MAP3K9: variants seen among roughly 807,000 people sequenced by gnomAD.
MAP3K9 encodes the protein mixed lineage kinase 1 (tyr and ser/thr specificity).
A neutral mutation model predicts 95.8 loss-of-function variants in MAP3K9; 46 were observed. That is an observed-to-expected ratio of 0.48 (90% CI 0.38 to 0.61). MAP3K9 has a LOEUF of 0.61. Among genes scored for constraint, MAP3K9 ranks in the 20% least tolerant of loss-of-function variants. The probability of loss-of-function intolerance (pLI) is 0.00; values close to 1 mark genes in which losing one functional copy is unlikely to be tolerated. For synonymous variants in MAP3K9, 533 were observed against 593.8 expected (o/e 0.90, Z 1.49); for missense variants, 1,296 against 1,474.3 (o/e 0.88, Z 1.98).
chr14:70,757,414 T>C (rs2139772263), intron 3 of MAP3K9, among the ~76,000 whole-genome samples: 1 of 146,108 alleles, frequency 6.8e-6, no homozygotes, highest in East Asian at 2.0e-4. Context: ...TAAGCCATGA[T>C]TACACCACTG....
At chr14:70,787,725 T>C (rs754792688) in intron 2 of MAP3K9, among the ~76,000 whole-genome samples, 1 of 151,940 alleles carries the variant, frequency 6.6e-6, no homozygotes, top group African/African-American at 2.4e-5. Flanking sequence ...ATGAAATAGA[T>C]ATATAAAAGC....
At chr14:70,737,524 G>C (rs1011849679) in intron 8 of MAP3K9, among the ~76,000 whole-genome samples, 9 of 152,136 alleles carry the variant, frequency 5.9e-5, no homozygotes, top group African/African-American at 2.2e-4. Flanking sequence ...GAGAACACAA[G>C]CACACTCCAG....
intron 3 of MAP3K9, among the ~76,000 whole-genome samples, chr14:70,754,668 TCAC>T (rs2054274320): frequency 6.6e-6 from 1 of 152,130 alleles, no homozygotes. Context: ...AGATGGGGTT[TCAC>T]CATGTTAGCC....
chr14:70,776,477 A>T (rs1316971593), intron 2 of MAP3K9, among the ~76,000 whole-genome samples: 2 of 152,174 alleles, frequency 1.3e-5, no homozygotes, highest in Admixed American at 6.5e-5. Context: ...CTGCAAATTC[A>T]ATACCATGCC....
rs567121545 is a variant in MAP3K9, at chr14:70,777,027, C to T, written c.821-15845G>A. Among the ~76,000 whole-genome samples the T allele has an allele frequency of 1.8e-4, 27 of 151,966 alleles. 1 individual carries two copies. Among genetic ancestry groups the T allele is most frequent in the African/African-American group, 6.0e-4 (25 of 41,440 alleles). On this transcript the variant is annotated intron_variant, in intron 2 of 11. Coordinates refer to ENST00000554752, the MANE Select transcript of MAP3K9 (RefSeq NM_001284230.2). ...TCTATTTTCAGCAGAGACAGGGTTT[C>T]ACCTTGTTGGCCAGGCTGGTCTCGA...
intron 3 of MAP3K9, among the ~76,000 whole-genome samples, chr14:70,760,141 G>GCGCACA (rs1555369568): frequency 6.8e-6 from 1 of 147,700 alleles, no homozygotes; most frequent in Non-Finnish European, 1.5e-5. Flanking sequence ...AAATAAACGT[G>GCGCACA]CACACACACA....
At chr14:70,793,738 A>G (rs1030979487) in intron 2 of MAP3K9, among the ~76,000 whole-genome samples, 1 of 152,122 alleles carries the variant, frequency 6.6e-6, no homozygotes, top group Non-Finnish European at 1.5e-5. Context: ...CTATGCTGGG[A>G]GCTAAAGACA....
At chr14:70,798,162 T>C (rs1047490367) in intron 2 of MAP3K9, among the ~76,000 whole-genome samples, 1 of 152,158 alleles carries the variant, frequency 6.6e-6, no homozygotes, top group Non-Finnish European at 1.5e-5. Context: ...CAGGGTAACT[T>C]TTCCTGCATA....
At chr14:70,787,727 T>C (rs1231802371) in intron 2 of MAP3K9, among the ~76,000 whole-genome samples, 1 of 151,984 alleles carries the variant, frequency 6.6e-6, no homozygotes, top group Non-Finnish European at 1.5e-5. Context: ...GAAATAGATA[T>C]ATAAAAGCAA....
chr14:70,793,284 A>G (rs1387636869), intron 2 of MAP3K9, among the ~76,000 whole-genome samples: 1 of 152,210 alleles, frequency 6.6e-6, no homozygotes, highest in African/African-American at 2.4e-5. Context: ...GTTTGGGATT[A>G]ATAACGAATG....
chr14:70,771,458 C>T (rs955506503), intron 2 of MAP3K9, among the ~76,000 whole-genome samples: 2 of 152,016 alleles, frequency 1.3e-5, no homozygotes, highest in African/African-American at 4.8e-5. Context: ...TGCCAAAGCC[C>T]AGGGCTTAAA....
chr14:70,768,437 T>C (rs1360037044), intron 2 of MAP3K9, among the ~76,000 whole-genome samples: 2 of 152,074 alleles, frequency 1.3e-5, no homozygotes, highest in Non-Finnish European at 2.9e-5. Context: ...CAGACCCGCA[T>C]ATGGTCAAAA....
Position 70,806,101 on chromosome 14 carries a change from A to G in MAP3K9, c.406+2665T>C, listed in dbSNP as rs566761499. On this transcript the variant is annotated intron_variant, in intron 1 of 11. Transcript: ENST00000554752. ...CTCAGAGGAGAAGTTCAAAAGGGTA[A>G]CTCTGGCGATGAAGTGTCAGTGGCT... 5.9e-5 allele frequency among the ~76,000 whole-genome samples: 9 copies of G among 152,232 alleles called. No individual in the cohort carries two copies. In the South Asian group the frequency reaches 1.7e-3, roughly 28 times the overall value.
At chr14:70,792,598 C>T (rs1181503008) in intron 2 of MAP3K9, among the ~76,000 whole-genome samples, 1 of 152,126 alleles carries the variant, frequency 6.6e-6, no homozygotes, top group Non-Finnish European at 1.5e-5. Context: ...CATCCTTTTT[C>T]GAGGCAAGTC....
chr14:70,726,333 A>T lies in MAP3K9; in HGVS notation c.*4047T>A, dbSNP rs934454429. 3.3e-5 allele frequency: 5 copies of T among 152,244 alleles called. No individual in the cohort carries two copies. Among genetic ancestry groups the T allele is most frequent in the African/African-American group, 1.2e-4 (5 of 41,458 alleles). The allele number at this position is 152,244 out of a possible 1,614,324, so 9.4% of individuals were successfully genotyped here. A position where few individuals can be genotyped will look rare whatever the true frequency, so the allele number is the denominator to read the frequency against. On this transcript the variant is annotated 3_prime_UTR_variant, in exon 12 of 12. Transcript: ENST00000554752. ...AGCCTGAGGGAAAGGGGGCTTAGTGACCATGACACATGTCCCAAGAACAAG... is the reference window on the plus strand; with the variant it reads ...AGCCTGAGGGAAAGGGGGCTTAGTGTCCATGACACATGTCCCAAGAACAAG...
At chr14:70,782,133 A>T (rs531804687) in intron 2 of MAP3K9, among the ~76,000 whole-genome samples, 1 of 152,166 alleles carries the variant, frequency 6.6e-6, no homozygotes, top group Non-Finnish European at 1.5e-5. Context: ...CATCTCATGT[A>T]TCTTGACACG....
intron 2 of MAP3K9, among the ~76,000 whole-genome samples, chr14:70,797,821 TA>T (rs2054881853): frequency 6.6e-6 from 1 of 152,206 alleles, no homozygotes; most frequent in Admixed American, 6.5e-5. Context: ...AGGCTCATAT[TA>T]GACGTATACA....
At chr14:70,797,646 G>A (rs1029691715) in intron 2 of MAP3K9, among the ~76,000 whole-genome samples, 59 of 152,186 alleles carry the variant, frequency 3.9e-4, no homozygotes, top group Admixed American at 2.0e-3. Flanking sequence ...GCCGAGGCAG[G>A]AGAATTACTT....
In MAP3K9 at chr14:70,776,398, C is replaced by A. The variant is rs897436534; in HGVS notation, c.821-15216G>T. Reference sequence around the variant, plus strand: ...GGGTGTTGATGGGCAGGAGAAGAAACCCTCCTACACTAGGTCTGAAACCAT... The same window carrying A: ...GGGTGTTGATGGGCAGGAGAAGAAAACCTCCTACACTAGGTCTGAAACCAT... On this transcript the variant is annotated intron_variant, in intron 2 of 11. Transcript: ENST00000554752. 9.2e-5 allele frequency among the ~76,000 whole-genome samples: 14 copies of A among 152,132 alleles called. No individual in the cohort carries two copies. In the East Asian group the frequency reaches 2.7e-3, roughly 29 times the overall value.
Sources: allele counts gnomAD v4.1 joint callset (sites outside exome capture counted in the v4.1 genomes callset), GRCh38; gene constraint gnomAD v4.1.1; transcripts MANE v1.5; gene names NCBI Gene and HGNC (gene_info 2026-07-23, HGNC 2026-07-21).